The following LMX1A variants were observed in gnomAD, a reference collection of about 807,000 sequenced individuals.
LMX1A encodes the protein LIM homeobox transcription factor 1-alpha.
In LMX1A, 15 loss-of-function variants were observed where a neutral mutation model predicts 49.1. That is an observed-to-expected ratio of 0.31 (90% confidence interval 0.20 to 0.47). The LOEUF is 0.47. Among genes scored for constraint, LMX1A ranks in the 20% least tolerant of loss-of-function variants. The pLI is 1.00. For missense variants in LMX1A, 372 were observed against 475.8 expected, an observed-to-expected ratio of 0.78 and a Z score of 2.03; for synonymous variants, 167 against 185.7, an observed-to-expected ratio of 0.90 and a Z score of 0.82.
At chr1:165,223,694 A>G (rs1651935314) in intron 4 of LMX1A, among the ~76,000 whole-genome samples, 1 of 152,174 alleles carries the variant, frequency 6.6e-6, no homozygotes, top group African/African-American at 2.4e-5. Flanking sequence ...TGTCTATCTC[A>G]AATACTTTAG....
intron 3 of LMX1A, among the ~76,000 whole-genome samples, chr1:165,257,646 C>A (rs1215882600): frequency 6.6e-6 from 1 of 152,126 alleles, no homozygotes; most frequent in Non-Finnish European, 1.5e-5. Context: ...AACCCCATTC[C>A]CTTGGGAGCC....
chr1:165,266,367 C>G (rs965639060), intron 3 of LMX1A, among the ~76,000 whole-genome samples: 2 of 152,054 alleles, frequency 1.3e-5, no homozygotes, highest in Non-Finnish European at 2.9e-5. Flanking sequence ...GAAGTAGGAC[C>G]AGCACTTTGG....
chr1:165,260,128 T>C (rs1653385981), intron 3 of LMX1A, among the ~76,000 whole-genome samples: 1 of 152,218 alleles, frequency 6.6e-6, no homozygotes, highest in Non-Finnish European at 1.5e-5. Flanking sequence ...TGGTTTCCTT[T>C]GAAAATGTCA....
rs867899826 is a variant in LMX1A at position 165,203,684 on chromosome 1, A to T, written c.*196T>A. ...TAATGCTAAGACTCTTATTAGAAACATTAAACTATGCAATCCATAATGTAT... is the reference window on the plus strand; with the variant it reads ...TAATGCTAAGACTCTTATTAGAAACTTTAAACTATGCAATCCATAATGTAT... On this transcript the variant is annotated 3_prime_UTR_variant, in exon 9 of 9. Transcript: ENST00000342310. The T allele has an allele frequency of 3.3e-5, 16 of 480,936 alleles. No homozygotes were observed. In the South Asian group the frequency reaches 7.8e-4, roughly 23 times the overall value. 29.8% of individuals were successfully genotyped at this position (480,936 alleles called of 1,614,324 possible). A position where few individuals can be genotyped will look rare whatever the true frequency, so the allele number is the denominator to read the frequency against.
intron 3 of LMX1A, among the ~76,000 whole-genome samples, chr1:165,286,496 T>C (rs980701983): frequency 1.3e-5 from 2 of 152,174 alleles, no homozygotes; most frequent in Non-Finnish European, 1.5e-5. Flanking sequence ...GAGGTTCTGG[T>C]ACTTGGTTTT....
chr1:165,298,983 AC>A (rs1229022837), intron 3 of LMX1A, among the ~76,000 whole-genome samples: 3 of 152,356 alleles, frequency 2.0e-5, no homozygotes, highest in African/African-American at 7.2e-5. Context: ...ATTTAACCCT[AC>A]AACAACTCCA....
At chr1:165,351,166 G>GATT (rs977170249) in intron 3 of LMX1A, among the ~76,000 whole-genome samples, 3 of 134,964 alleles carry the variant, frequency 2.2e-5, no homozygotes, top group African/African-American at 8.3e-5. Context: ...TTTGATTCGT[G>GATT]ATTTTTTTTT....
At chr1:165,297,348 G>T (rs182279719) in intron 3 of LMX1A, among the ~76,000 whole-genome samples, 14 of 152,336 alleles carry the variant, frequency 9.2e-5, no homozygotes, top group Non-Finnish European at 7.3e-5. Flanking sequence ...GGTCTAGGCA[G>T]GGGCTAGGCA....
At chr1:165,255,661 G>A (rs1653209785) in intron 3 of LMX1A, among the ~76,000 whole-genome samples, 1 of 152,100 alleles carries the variant, frequency 6.6e-6, no homozygotes, top group Non-Finnish European at 1.5e-5. Flanking sequence ...CTCAAACATC[G>A]TTCTTGTTGC....
At chr1:165,279,148 C>G (rs145411337) in intron 3 of LMX1A, among the ~76,000 whole-genome samples, 3 of 152,220 alleles carry the variant, frequency 2.0e-5, no homozygotes, top group Non-Finnish European at 2.9e-5. Flanking sequence ...GAATTAGGAG[C>G]CTTTTCACTT....
At chr1:165,207,205 G>A (rs1398001148) in intron 7 of LMX1A, among the ~76,000 whole-genome samples, 2 of 152,176 alleles carry the variant, frequency 1.3e-5, no homozygotes, top group African/African-American at 4.8e-5. Flanking sequence ...AATGTAAGAA[G>A]CCCTGTTTTA....
At chr1:165,226,087 C>A (rs1356845901) in intron 4 of LMX1A, among the ~76,000 whole-genome samples, 1 of 151,978 alleles carries the variant, frequency 6.6e-6, no homozygotes, top group Non-Finnish European at 1.5e-5. Context: ...AAGGTGAGGA[C>A]AAGTATAACG....
chr1:165,253,306 A>G (rs1653123147), intron 3 of LMX1A, among the ~76,000 whole-genome samples: 1 of 152,238 alleles, frequency 6.6e-6, no homozygotes, highest in East Asian at 1.9e-4. Context: ...AAGCTATAGT[A>G]TATATAATTA....
intron 4 of LMX1A, among the ~76,000 whole-genome samples, chr1:165,219,563 G>A (rs958669255): frequency 4.6e-5 from 7 of 152,132 alleles, no homozygotes; most frequent in African/African-American, 9.7e-5. Flanking sequence ...CAATAGCAGC[G>A]ATCAACTCTC....
chr1:165,204,658 A>G (rs1173728133), intron 8 of LMX1A, among the ~76,000 whole-genome samples: 1 of 152,236 alleles, frequency 6.6e-6, no homozygotes, highest in African/African-American at 2.4e-5. Flanking sequence ...CTCTGCTTCA[A>G]GTAAATAGGA....
chr1:165,296,229 A>G (rs1654611182), intron 3 of LMX1A, among the ~76,000 whole-genome samples: 2 of 152,222 alleles, frequency 1.3e-5, no homozygotes, highest in Non-Finnish European at 1.5e-5. Context: ...ATACAGCAAA[A>G]TCTTCCTGCA....
chr1:165,289,022 T>C (rs895953698), intron 3 of LMX1A, among the ~76,000 whole-genome samples: 2 of 152,188 alleles, frequency 1.3e-5, no homozygotes, highest in East Asian at 3.9e-4. Context: ...GCAAACAGAC[T>C]TCTGGCCCCT....
intron 3 of LMX1A, among the ~76,000 whole-genome samples, chr1:165,319,069 T>C (rs1655307329): frequency 1.3e-5 from 2 of 149,304 alleles, no homozygotes. Context: ...GAACTAGACA[T>C]TCCTTAACAT....
chr1:165,221,615 C>T (rs924537383), intron 4 of LMX1A, among the ~76,000 whole-genome samples: 11 of 152,086 alleles, frequency 7.2e-5, no homozygotes, highest in Admixed American at 1.3e-4. Context: ...GGGGAGGGAC[C>T]GGGCAGGTCA....
Sources: allele counts gnomAD v4.1 joint callset (sites outside exome capture counted in the v4.1 genomes callset), GRCh38; gene constraint gnomAD v4.1.1; transcripts MANE v1.5; gene names NCBI Gene and HGNC (gene_info 2026-07-23, HGNC 2026-07-21).